TRAF1: variants seen among roughly 807,000 people sequenced by gnomAD.
The protein encoded by TRAF1 is TNF receptor-associated factor 1.
Under a neutral mutation model 40.9 loss-of-function variants are expected in TRAF1, and 23 were observed. That is an observed-to-expected ratio of 0.56 (90% CI 0.40 to 0.80). The LOEUF (loss-of-function observed/expected upper bound fraction) is 0.80. Among genes scored for constraint, TRAF1 ranks in the 30% least tolerant of loss-of-function variants. The probability of loss-of-function intolerance (pLI) is 0.00; values close to 1 mark genes in which losing one functional copy is unlikely to be tolerated. For missense variants in TRAF1, 477 were observed against 528.7 expected, an observed-to-expected ratio of 0.90 and a Z score of 0.96; for synonymous variants, 206 against 218.8, an observed-to-expected ratio of 0.94 and a Z score of 0.52.
At chr9:120,917,910 C>T (rs145682761) in intron 3 of TRAF1, among the ~76,000 whole-genome samples, 3 of 152,242 alleles carry the variant, frequency 2.0e-5, no homozygotes, top group Non-Finnish European at 2.9e-5. Context: ...AAGTCCTAAC[C>T]ACCAGTATCT....
intron 5 of TRAF1, among the ~76,000 whole-genome samples, chr9:120,912,181 G>T (rs2131623691): frequency 6.6e-6 from 1 of 152,344 alleles, no homozygotes; most frequent in African/African-American, 2.4e-5. Flanking sequence ...GAGAGGGAAA[G>T]TGACTTGCTC....
intron 3 of TRAF1, among the ~76,000 whole-genome samples, chr9:120,919,631 G>A (rs945521661): frequency 6.6e-6 from 1 of 152,152 alleles, no homozygotes; most frequent in South Asian, 2.1e-4. Context: ...GGGGAGCTTG[G>A]TCAGTCTGCC....
rs573956191 is a variant in TRAF1 at position 120,919,093 on chromosome 9, G to T, written c.228+4612C>A. 2.6e-5 allele frequency among the ~76,000 whole-genome samples: 4 copies of T among 152,324 alleles called. No homozygotes were observed. The East Asian group carries it at 7.7e-4, about 29-fold the overall frequency. ...TGGCCTCACTCAAAGGCCAGGGACCGAGGGGACAGGAGAGGGAATCAGGAA... is the reference window on the plus strand; with the variant it reads ...TGGCCTCACTCAAAGGCCAGGGACCTAGGGGACAGGAGAGGGAATCAGGAA... On this transcript the variant is annotated intron_variant, in intron 3 of 7. Transcript: ENST00000373887.
At chr9:120,925,164 A>G (rs2046630904) in intron 2 of TRAF1, among the ~76,000 whole-genome samples, 1 of 152,252 alleles carries the variant, frequency 6.6e-6, no homozygotes, top group South Asian at 2.1e-4. Flanking sequence ...CGCAAACAAA[A>G]GGTCATCACA....
At chr9:120,925,792 G>A in intron 2 of TRAF1, 144 bp downstream of exon 2, 1 of 1,178,470 alleles carries the variant, frequency 8.5e-7, no homozygotes, top group Non-Finnish European at 1.2e-6. Context: ...GTGTCAGGGA[G>A]TGTGAGAAAA....
At chr9:120,914,588 G>A in intron 3 of TRAF1, 1 of 1,080,302 alleles carries the variant, frequency 9.3e-7, no homozygotes, top group Non-Finnish European at 1.1e-6. Context: ...CTCTCTGGTT[G>A]CCCCGACTGG....
intron 3 of TRAF1, 167 bp from the exon 4 acceptor site, chr9:120,914,467 C>T: frequency 7.4e-6 from 9 of 1,223,230 alleles, no homozygotes; most frequent in Non-Finnish European, 9.2e-6. Flanking sequence ...AAGCTTCCAC[C>T]CTTCCATGAC....
upstream of TRAF1, chr9:120,927,879 C>G (rs946574580): frequency 6.6e-6 from 1 of 152,350 alleles, no homozygotes; most frequent in African/African-American, 2.4e-5. Context: ...CCAGCCCTAC[C>G]TGTTCCCTCC....
chr9:120,909,434 C>T, intron 6 of TRAF1, 56 bp from the exon 7 acceptor site: 1 of 1,592,454 alleles, frequency 6.3e-7, no homozygotes, highest in Non-Finnish European at 8.5e-7. Flanking sequence ...AGATGTGGGA[C>T]TGGGATCCAG....
intron 3 of TRAF1, among the ~76,000 whole-genome samples, chr9:120,918,498 C>T (rs1013720692): frequency 1.3e-5 from 2 of 151,946 alleles, no homozygotes; most frequent in Non-Finnish European, 2.9e-5. Context: ...AGCACTGCCC[C>T]GGGACATCTC....
upstream of TRAF1, chr9:120,928,144 C>T (rs1380764572): frequency 6.6e-6 from 1 of 152,280 alleles, no homozygotes; most frequent in African/African-American, 2.4e-5. Flanking sequence ...CCCCACCTTA[C>T]AGATGAGAAA....
intron 6 of TRAF1, among the ~76,000 whole-genome samples, chr9:120,909,999 C>T (rs980454552): frequency 1.3e-5 from 2 of 152,204 alleles, no homozygotes; most frequent in African/African-American, 4.8e-5. Flanking sequence ...CAGCCATTCT[C>T]AGGTGGCAAA....
chr9:120,914,083 T>C, intron 4 of TRAF1, 152 bp downstream of exon 4: 1 of 624,158 alleles, frequency 1.6e-6, no homozygotes, highest in South Asian at 4.2e-5. Context: ...GACTTAATAG[T>C]AGGCTCTGAT....
rs1328324270 is a variant in TRAF1 at position 120,913,620 on chromosome 9, G to A, written c.413C>T (p.Pro138Leu). ...TGACAGGTTCTGCTCCAGGGCCATGGGCCCAGACTCCAGGCCACAGCCCAG... is the reference window on the plus strand; with the variant it reads ...TGACAGGTTCTGCTCCAGGGCCATGAGCCCAGACTCCAGGCCACAGCCCAG... Reference protein sequence around the residue: ...ARLGCGLESGPMALEQNLSDL... With the variant: ...ARLGCGLESGLMALEQNLSDL... Residue 138 changes from proline to leucine, a missense_variant, in exon 5 of 8, where the codon CCC becomes CTC. Pro to Leu is a moderately conservative substitution (Grantham distance 98). Transcript: ENST00000373887. 6.2e-7 allele frequency: 1 copy of A among 1,613,752 alleles called. No homozygotes were observed. Among genetic ancestry groups the A allele is most frequent in the South Asian group, 1.1e-5 (1 of 91,068 alleles).
chr9:120,910,702 C>T (rs1441069692), intron 6 of TRAF1, among the ~76,000 whole-genome samples: 1 of 152,200 alleles, frequency 6.6e-6, no homozygotes, highest in African/African-American at 2.4e-5. Flanking sequence ...CAGTCTGCTG[C>T]CTCATTTTTT....
chr9:120,913,567 C>A lies in TRAF1; in HGVS notation c.466G>T (p.Val156Leu), dbSNP rs1188195607. 6.2e-7 allele frequency: 1 copy of A among 1,614,018 alleles called. No individual in the cohort carries two copies. The highest frequency in any genetic ancestry group is 8.5e-7 in the Non-Finnish European group (1 of 1,179,994). ...SDLQLQAAVEVAGDLEVDCYR... is the reference protein window; with the variant it reads ...SDLQLQAAVELAGDLEVDCYR... ...CAATCGACCTCCAGGTCCCCCGCCACTTCCACGGCTGCCTGCAGCTGCAGG... is the reference window on the plus strand; with the variant it reads ...CAATCGACCTCCAGGTCCCCCGCCAATTCCACGGCTGCCTGCAGCTGCAGG... Residue 156 changes from valine to leucine, a missense_variant, in exon 5 of 8, where the codon GTG (valine) becomes TTG (leucine). By Grantham distance (32) the Val-to-Leu change is conservative. Transcript: ENST00000373887.
intron 2 of TRAF1, among the ~76,000 whole-genome samples, chr9:120,925,464 A>G (rs2046633019): frequency 6.6e-6 from 1 of 152,260 alleles, no homozygotes; most frequent in Non-Finnish European, 1.5e-5. Flanking sequence ...GTTCCCAGCA[A>G]ACGGTCTGAG....
rs754378117 is a variant in TRAF1 at position 120,904,990 on chromosome 9, G to A, written c.*30C>T. 1 of 1,598,180 alleles carries A rather than the reference G, an allele frequency of 6.3e-7. No homozygotes were observed. Among genetic ancestry groups the A allele is most frequent in the Non-Finnish European group, 8.5e-7 (1 of 1,171,086 alleles). On this transcript the variant is annotated 3_prime_UTR_variant, in exon 8 of 8. Coordinates refer to ENST00000373887, the MANE Select transcript of TRAF1 (RefSeq NM_005658.5). ...AGTCCTCTGGCTAGCTCCCTTCTGAGTTGGAGCTCCCTCAGGAGCCCCGCC... is the reference window on the plus strand; with the variant it reads ...AGTCCTCTGGCTAGCTCCCTTCTGAATTGGAGCTCCCTCAGGAGCCCCGCC...
At chr9:120,910,599 G>A (rs1415950515) in intron 6 of TRAF1, among the ~76,000 whole-genome samples, 7 of 152,088 alleles carry the variant, frequency 4.6e-5, no homozygotes, top group African/African-American at 1.7e-4. Context: ...ATCTTGTTAC[G>A]TTGCCCAGGC....
Sources: gnomAD v4.1 joint callset for allele counts (sites outside exome capture counted in the v4.1 genomes callset) on GRCh38, gnomAD v4.1.1 for gene constraint, MANE v1.5 for transcripts, NCBI Gene and HGNC (gene_info 2026-07-23, HGNC 2026-07-21) for gene names.